MYO18B: variants seen among roughly 807,000 people sequenced by gnomAD.
MYO18B encodes the protein myosin XVIIIB.
MYO18B carries 204 observed loss-of-function variants against 273.0 expected under a neutral mutation model. That is an observed-to-expected ratio of 0.75 (90% confidence interval 0.67 to 0.84). MYO18B has a LOEUF of 0.84. Ranked by LOEUF, MYO18B falls within the 40% of genes least tolerant of loss-of-function variation. The pLI is 0.00. For missense variants in MYO18B, 3,212 were observed against 3,287.6 expected (o/e 0.98, Z 0.56); for synonymous variants, 1,330 against 1,305.7 (o/e 1.02, Z -0.40).
chr22:25,816,287 TGAC>T (rs1257108560), intron 12 of MYO18B, among the ~76,000 whole-genome samples: 1 of 152,224 alleles, frequency 6.6e-6, no homozygotes. Context: ...ATAATAGAGT[TGAC>T]ATTTACTGAG....
At chr22:25,881,284 A>G (rs1468984365) in intron 25 of MYO18B, among the ~76,000 whole-genome samples, 1 of 152,248 alleles carries the variant, frequency 6.6e-6, no homozygotes, top group African/African-American at 2.4e-5. Context: ...TGCTCCTTGC[A>G]GGAAGGACCA....
At chr22:25,827,936 T>C (rs1482859854) in intron 14 of MYO18B, among the ~76,000 whole-genome samples, 1 of 152,202 alleles carries the variant, frequency 6.6e-6, no homozygotes, top group Non-Finnish European at 1.5e-5. Context: ...GACTTCATCT[T>C]CATGCATGTC....
intron 1 of MYO18B, among the ~76,000 whole-genome samples, chr22:25,750,398 G>C (rs2146535702): frequency 6.6e-6 from 1 of 152,348 alleles, no homozygotes; most frequent in South Asian, 2.1e-4. Context: ...GCCAGACATA[G>C]AGCAAAGTAG....
chr22:25,876,701 G>C (rs2091210220), intron 24 of MYO18B, among the ~76,000 whole-genome samples: 2 of 151,482 alleles, frequency 1.3e-5, no homozygotes, highest in Non-Finnish European at 2.9e-5. Flanking sequence ...ATTCTTCCCT[G>C]TCACCACCTA....
At chr22:25,890,898 GGGTGGCTGAACAC>G (rs2146279317) in intron 26 of MYO18B, 23 bp downstream of exon 26, 1 of 1,570,440 alleles carries the variant, frequency 6.4e-7, no homozygotes, top group East Asian at 2.2e-5. Flanking sequence ...GGGTGGCCAG[GGGTGGCTGAACAC>G]GGTGGCTAAA....
rs917247596 is a variant in MYO18B, at chr22:26,026,491, G to A, written c.6517G>A (p.Ala2173Thr). 6.2e-6 allele frequency: 10 copies of A among 1,613,740 alleles called. No individual in the cohort carries two copies. In the South Asian group the frequency reaches 9.9e-5, roughly 16 times the overall value. The change falls in exon 43 of 44, where the codon GCA becomes ACA. Residue 2173 changes from alanine (A) to threonine (T), a missense_variant. Physicochemically the swap from Ala to Thr is moderately conservative, Grantham distance 58. Coordinates refer to ENST00000335473, the MANE Select transcript of MYO18B (RefSeq NM_032608.7). ...GDTERTQSAL[A>T]LSRARSTNVH... ...CACTGAGAGGACCCAGTCGGCATTG[G>A]CACTGAGCAGAGCCCGGTCCACCAA...
chr22:25,783,500 A>T (rs9620557), intron 10 of MYO18B, among the ~76,000 whole-genome samples: 1 of 130,502 alleles, frequency 7.7e-6, no homozygotes, highest in Non-Finnish European at 1.7e-5. Flanking sequence ...AACATCTCTC[A>T]GACACACACA....
At chr22:25,884,054 A>G (rs990183764) in intron 25 of MYO18B, among the ~76,000 whole-genome samples, 4 of 152,248 alleles carry the variant, frequency 2.6e-5, no homozygotes, top group Non-Finnish European at 5.9e-5. Flanking sequence ...TTTTCCCCCC[A>G]AGACCTTATT....
the MYO18B span, among the ~76,000 whole-genome samples, chr22:26,050,596 A>G: frequency 6.6e-6 from 1 of 152,172 alleles, no homozygotes; most frequent in South Asian, 2.1e-4. Flanking sequence ...AATTTTCTCG[A>G]CAGGGCACGT....
At chr22:25,903,565 T>C in intron 30 of MYO18B, 66 bp from the exon 31 acceptor site, 1 of 1,480,630 alleles carries the variant, frequency 6.8e-7, no homozygotes, top group Admixed American at 2.0e-5. Flanking sequence ...GTTGTAGAGG[T>C]ATCCCTGGGG....
chr22:26,044,528 AGT>A, the MYO18B span, among the ~76,000 whole-genome samples: 1 of 152,218 alleles, frequency 6.6e-6, no homozygotes, highest in Non-Finnish European at 1.5e-5. Flanking sequence ...CTTAACGTGG[AGT>A]GTCTTATTTA....
rs139296373 is a variant in MYO18B at position 25,761,114 on chromosome 22, G to T, written c.22G>T (p.Ala8Ser). The change falls in exon 2 of 44, where the codon GCC becomes TCC. Residue 8 changes from alanine to serine, a missense_variant. Physicochemically the swap from Ala to Ser is moderately conservative, Grantham distance 99 (BLOSUM62 1). Transcript: ENST00000335473. The stretch of plus-strand genomic sequence containing the variant: ...CAGCATGGCCATCTCATCACGCCTC[G>T]CCCTGTGGGAGCAGAAGGAAAGTGA... MAISSRL[A>S]LWEQKIREED... 1 of 1,613,280 alleles carries T rather than the reference G, an allele frequency of 6.2e-7. No homozygotes were observed. The highest frequency in any genetic ancestry group is 1.3e-5 in the African/African-American group (1 of 74,908).
Position 26,027,706 on chromosome 22 carries a change from T to C in MYO18B, c.*12+16T>C, listed in dbSNP as rs770554336. 3.8e-6 allele frequency: 6 copies of C among 1,575,974 alleles called. No individual in the cohort carries two copies. The highest frequency in any genetic ancestry group is 1.7e-4 in the Middle Eastern group (1 of 5,732). On this transcript the variant is annotated intron_variant, in intron 43 of 43. Coordinates refer to ENST00000335473, the MANE Select transcript of MYO18B (RefSeq NM_032608.7). The surrounding 1 kb of genome is among the most constrained non-coding windows in gnomAD (Gnocchi z 4.1). ...ACCAGTTCAGGTAAAAGCAACAGGCTGGGGCTATTCTTGGGGGAATGAGAG... is the reference window on the plus strand; with the variant it reads ...ACCAGTTCAGGTAAAAGCAACAGGCCGGGGCTATTCTTGGGGGAATGAGAG...
At chr22:25,913,336 AT>A (rs2092196292) in intron 33 of MYO18B, among the ~76,000 whole-genome samples, 1 of 151,530 alleles carries the variant, frequency 6.6e-6, no homozygotes, top group Non-Finnish European at 1.5e-5. Context: ...GATGCTGTGC[AT>A]TTTTCACATG....
the MYO18B span, among the ~76,000 whole-genome samples, chr22:26,058,875 C>G: frequency 6.6e-6 from 1 of 152,136 alleles, no homozygotes; most frequent in Non-Finnish European, 1.5e-5. Flanking sequence ...ATTACGCAGC[C>G]TCAGGAATTC....
intron 43 of MYO18B, among the ~76,000 whole-genome samples, chr22:26,029,574 T>C (rs1936546124): frequency 6.6e-6 from 1 of 152,186 alleles, no homozygotes; most frequent in Admixed American, 6.5e-5. Flanking sequence ...TCACAGAACA[T>C]CTTGTCTCTG....
At chr22:26,042,944 G>A in the MYO18B span, among the ~76,000 whole-genome samples, 1 of 152,162 alleles carries the variant, frequency 6.6e-6, no homozygotes. Flanking sequence ...TACTTTGCGT[G>A]CAATGAAATT....
At chr22:25,785,312 G>A in intron 10 of MYO18B, 116 bp from the exon 11 acceptor site, 2 of 913,052 alleles carry the variant, frequency 2.2e-6, no homozygotes, top group Middle Eastern at 3.3e-4. Context: ...CAGGGACAGG[G>A]ACAGCCCCTG....
intron 42 of MYO18B, among the ~76,000 whole-genome samples, chr22:26,005,774 T>C (rs186098065): frequency 1.3e-5 from 2 of 152,264 alleles, no homozygotes; most frequent in Admixed American, 1.3e-4. Context: ...CGTGTTTGCT[T>C]TGATGCAGGG....
Sources: gnomAD v4.1 joint callset for allele counts (sites outside exome capture counted in the v4.1 genomes callset) on GRCh38, gnomAD v4.1.1 for gene constraint, Gnocchi (gnomAD v3.1) non-coding constraint, MANE v1.5 for transcripts, NCBI Gene and HGNC (gene_info 2026-07-23, HGNC 2026-07-21) for gene names.